Variants in PCDHGB1 observed in about 807,000 individuals in gnomAD.
The protein encoded by PCDHGB1 is protocadherin gamma subfamily B, 1.
In PCDHGB1, 34 loss-of-function variants were observed where a neutral mutation model predicts 56.6. The ratio of observed to expected loss-of-function variants is 0.60; its 90% CI spans 0.46 to 0.80. The LOEUF (loss-of-function observed/expected upper bound fraction) is 0.80. PCDHGB1 is among the 30% of genes least tolerant of loss of function. The pLI is 0.00. For missense variants in PCDHGB1, 1,278 were observed against 1,204.6 expected (o/e 1.06, Z -0.90); for synonymous variants, 561 against 505.9 (o/e 1.11, Z -1.46).
rs1423639578 is a variant in PCDHGB1, at chr5:141,383,107, G to T, written c.2409+30438G>T. The T allele has an allele frequency of 3.1e-6, 5 of 1,613,914 alleles. No individual in the cohort carries two copies. In the East Asian group the frequency reaches 6.7e-5, roughly 22 times the overall value. Reference sequence around the variant, plus strand: ...GCGCGGAGTCCGCATCATCTCCAGAGGTAGGACGCAGCTTTTCGCCCTGAA... The same window carrying T: ...GCGCGGAGTCCGCATCATCTCCAGATGTAGGACGCAGCTTTTCGCCCTGAA... On this transcript the variant is annotated intron_variant, in intron 1 of 3. Coordinates refer to ENST00000523390, the MANE Select transcript of PCDHGB1 (RefSeq NM_018922.3).
intron 1 of PCDHGB1, chr5:141,430,693 C>A: frequency 1.4e-6 from 2 of 1,425,428 alleles, no homozygotes; most frequent in Admixed American, 2.6e-5. Context: ...ATTCTATGGG[C>A]GAAGGAACTG....
intron 1 of PCDHGB1, chr5:141,387,787 A>C (rs2091094069): frequency 6.1e-6 from 9 of 1,479,268 alleles, no homozygotes; most frequent in Non-Finnish European, 1.8e-6. Context: ...CTGGAACTGC[A>C]ACTAAAGTCC....
At chr5:141,426,680 T>TC in intron 1 of PCDHGB1, 1 of 431,452 alleles carries the variant, frequency 2.3e-6, no homozygotes, top group South Asian at 1.6e-5. Context: ...CACCTCATTT[T>TC]CCCCAAAATA....
chr5:141,454,796 ATTTTTT>A (rs61612330), intron 1 of PCDHGB1, among the ~76,000 whole-genome samples: 41 of 77,454 alleles, frequency 5.3e-4, no homozygotes, highest in African/African-American at 1.7e-3. Context: ...CATGGTTCTA[ATTTTTT>A]TTTTTTTTTT....
chr5:141,352,367 G>A lies in PCDHGB1; in HGVS notation c.2107G>A (p.Val703Met). ...ALISVLFLLAVILAIALRLRR... is the reference protein window; with the variant it reads ...ALISVLFLLAMILAIALRLRR... ...GATCTCAGTGCTCTTTCTCCTCGCG[G>A]TGATTCTAGCGATCGCCCTGCGCCT... The change falls in exon 1 of 4, where the codon GTG (valine) becomes ATG (methionine). Residue 703 changes from valine to methionine, a missense_variant. By Grantham distance (21) the Val-to-Met change is conservative. Transcript: ENST00000523390. 5 of 1,614,060 alleles carry A rather than the reference G, an allele frequency of 3.1e-6. No individual in the cohort carries two copies. The highest frequency in any genetic ancestry group is 1.1e-5 in the South Asian group (1 of 91,090).
chr5:141,500,883 T>G (rs1250275850), intron 2 of PCDHGB1, among the ~76,000 whole-genome samples: 2 of 97,532 alleles, frequency 2.1e-5, no homozygotes, highest in African/African-American at 1.2e-4. Context: ...TACAATTTTT[T>G]TTTTTTGAGA....
In PCDHGB1 at chr5:141,399,858, T is replaced by G. The variant is rs1003401029; in HGVS notation, c.2409+47189T>G. On this transcript the variant is annotated intron_variant, in intron 1 of 3. Transcript: ENST00000523390. The stretch of plus-strand genomic sequence containing the variant: ...CGCTCTTCGATATGGTGCCGCGCGC[T>G]GCAGAGCCCGGCTACCTGGTGACCA... The G allele has an allele frequency of 3.7e-6, 6 of 1,612,764 alleles. No individual in the cohort carries two copies. In the African/African-American group the frequency reaches 6.7e-5, roughly 18 times the overall value.
chr5:141,420,080 C>G, intron 1 of PCDHGB1: 2 of 1,614,010 alleles, frequency 1.2e-6, no homozygotes, highest in African/African-American at 1.3e-5. Flanking sequence ...TGTGGGTCCC[C>G]CCAACTACAG....
intron 1 of PCDHGB1, among the ~76,000 whole-genome samples, chr5:141,465,319 T>A (rs184635197): frequency 4.6e-5 from 7 of 152,324 alleles, no homozygotes; most frequent in Admixed American, 1.3e-4. Flanking sequence ...GCCATGTCAA[T>A]GCAGTATTTT....
chr5:141,440,980 C>T (rs972732898), intron 1 of PCDHGB1: 1 of 152,242 alleles, frequency 6.6e-6, no homozygotes. Context: ...GCTTCACAAC[C>T]CAGAGTACCC....
intron 1 of PCDHGB1, chr5:141,374,756 G>A (rs968410543): frequency 2.5e-6 from 4 of 1,612,954 alleles, no homozygotes; most frequent in Non-Finnish European, 2.5e-6. Flanking sequence ...CCGCTCAAGC[G>A]TCGCCCAAAT....
At chr5:141,413,389 T>C (rs370906684) in intron 1 of PCDHGB1, 1 of 1,613,986 alleles carries the variant, frequency 6.2e-7, no homozygotes, top group South Asian at 1.1e-5. Context: ...CCGCATAGTC[T>C]CCAGAGGTAG....
At chr5:141,394,859 C>G in intron 1 of PCDHGB1, 4 of 1,613,758 alleles carry the variant, frequency 2.5e-6, no homozygotes, top group Non-Finnish European at 3.4e-6. Flanking sequence ...AGCCTTCGGT[C>G]GACCCGAACG....
At chr5:141,385,287 T>C in intron 1 of PCDHGB1, 1 of 1,613,408 alleles carries the variant, frequency 6.2e-7, no homozygotes, top group Non-Finnish European at 8.5e-7. Flanking sequence ...CATCCGTAGA[T>C]TTTCAGGAAT....
intron 2 of PCDHGB1, among the ~76,000 whole-genome samples, chr5:141,499,146 C>T (rs1415999012): frequency 1.3e-5 from 2 of 152,132 alleles, no homozygotes; most frequent in African/African-American, 4.8e-5. Flanking sequence ...GTGTCTGATC[C>T]CAATAGCTGT....
At chr5:141,463,725 C>T (rs1259646105) in intron 1 of PCDHGB1, among the ~76,000 whole-genome samples, 2 of 152,026 alleles carry the variant, frequency 1.3e-5, no homozygotes, top group Non-Finnish European at 1.5e-5. Context: ...GGATTACAGG[C>T]ATGAGCCACC....
intron 1 of PCDHGB1, chr5:141,399,180 G>T (rs1454578078): frequency 3.7e-6 from 6 of 1,613,798 alleles, no homozygotes; most frequent in Admixed American, 1.7e-5. Flanking sequence ...TACTTGAAAT[G>T]ATTCTGGAAA....
intron 1 of PCDHGB1, among the ~76,000 whole-genome samples, chr5:141,443,781 C>CA (rs1227271563): frequency 8.6e-5 from 13 of 150,636 alleles, no homozygotes; most frequent in South Asian, 2.1e-4. Flanking sequence ...ACCAAAAAGA[C>CA]AAAAAAAATG....
At chr5:141,420,327 A>G in intron 1 of PCDHGB1, 1 of 1,425,478 alleles carries the variant, frequency 7.0e-7, no homozygotes, top group South Asian at 1.5e-5. Context: ...ATGCCAATAT[A>G]TTCCAATATA....
Sources: allele counts gnomAD v4.1 joint callset (sites outside exome capture counted in the v4.1 genomes callset), GRCh38; gene constraint gnomAD v4.1.1; transcripts MANE v1.5; gene names NCBI Gene and HGNC (gene_info 2026-07-23, HGNC 2026-07-21).